ZNF618: variants seen among roughly 807,000 people sequenced by gnomAD.
The protein encoded by ZNF618 is neural precursor cell expressed, developmentally down-regulated 10.
Under a neutral mutation model 103.0 loss-of-function variants are expected in ZNF618, and 34 were observed. The observed-to-expected ratio is 0.33, with a 90% CI of 0.25 to 0.44. ZNF618 has a LOEUF of 0.44. Among genes scored for constraint, ZNF618 ranks in the 20% least tolerant of loss-of-function variants. The pLI is 1.00. For synonymous variants in ZNF618, 551 were observed against 542.2 expected (o/e 1.02, Z -0.23); for missense variants, 1,059 against 1,295.4 (o/e 0.82, Z 2.80).
intron 1 of ZNF618, among the ~76,000 whole-genome samples, chr9:113,921,817 G>A (rs1832675372): frequency 6.6e-6 from 1 of 152,124 alleles, no homozygotes; most frequent in African/African-American, 2.4e-5. Context: ...AGCAAAAGAT[G>A]CCTTCTATAA....
At chr9:114,004,009 G>T (rs907839364) in intron 6 of ZNF618, among the ~76,000 whole-genome samples, 2 of 152,060 alleles carry the variant, frequency 1.3e-5, no homozygotes, top group African/African-American at 4.8e-5. Flanking sequence ...GCCAATCCCC[G>T]TTCTATGGGT....
chr9:113,985,145 C>T (rs906246554), intron 2 of ZNF618, among the ~76,000 whole-genome samples: 9 of 152,196 alleles, frequency 5.9e-5, no homozygotes, highest in African/African-American at 1.2e-4. Flanking sequence ...GGGTAGGTAC[C>T]GTGTTTGTCC....
Position 114,032,643 on chromosome 9 carries a change from A to T in ZNF618, c.1085-2A>T. The T allele has an allele frequency of 2.5e-6, 4 of 1,613,928 alleles. No homozygotes were observed. The highest frequency in any genetic ancestry group is 3.4e-6 in the Non-Finnish European group (4 of 1,179,810). ...TCTTTCTCTCTCCTGTCCCCCACCC[A>T]GCAGAAAGCGCTTTCAGTCGGAGAG... On this transcript the variant is annotated splice_acceptor_variant, in intron 11 of 14. Coordinates refer to ENST00000374126, the MANE Select transcript of ZNF618 (RefSeq NM_001318042.2). LOFTEE classifies it high-confidence loss of function.
intron 9 of ZNF618, chr9:114,016,213 C>A (rs1312109206): frequency 1.3e-6 from 2 of 1,585,556 alleles, no homozygotes; most frequent in Non-Finnish European, 1.7e-6. Context: ...GAAGAAGTGA[C>A]CCCTGCTGCT....
chr9:114,028,372 T>G (rs1320928258), intron 10 of ZNF618: 1 of 228,384 alleles, frequency 4.4e-6, no homozygotes, highest in Non-Finnish European at 8.6e-6. Context: ...AAGCCAGCCT[T>G]CCTTTAAAGG....
At chr9:113,910,375 C>G (rs558072218) in intron 1 of ZNF618, among the ~76,000 whole-genome samples, 1 of 152,272 alleles carries the variant, frequency 6.6e-6, no homozygotes, top group Admixed American at 6.5e-5. Context: ...TTATTGATTC[C>G]TGCCGAGTCC....
intron 1 of ZNF618, among the ~76,000 whole-genome samples, chr9:113,966,091 G>T (rs1837382393): frequency 6.6e-6 from 1 of 152,124 alleles, no homozygotes. Flanking sequence ...ATAAATAGTG[G>T]CCTCTATAAC....
intron 2 of ZNF618, among the ~76,000 whole-genome samples, chr9:113,984,805 T>G (rs537012552): frequency 6.6e-6 from 1 of 152,330 alleles, no homozygotes; most frequent in South Asian, 2.1e-4. Context: ...GCTGCTTTCT[T>G]TACCCCCCGG....
At chr9:113,958,055 G>T (rs1836484463) in intron 1 of ZNF618, among the ~76,000 whole-genome samples, 1 of 151,934 alleles carries the variant, frequency 6.6e-6, no homozygotes, top group African/African-American at 2.4e-5. Flanking sequence ...GATTAACTGT[G>T]ACTGGAAAGA....
chr9:114,033,679 G>A (rs533976913), intron 12 of ZNF618, among the ~76,000 whole-genome samples: 41 of 152,318 alleles, frequency 2.7e-4, no homozygotes, highest in African/African-American at 8.4e-4. Flanking sequence ...GCCTCTGTCC[G>A]AGCAGGGCAC....
At chr9:114,002,909 G>A (rs1387151498) in intron 6 of ZNF618, among the ~76,000 whole-genome samples, 2 of 152,244 alleles carry the variant, frequency 1.3e-5, no homozygotes, top group Non-Finnish European at 2.9e-5. Flanking sequence ...TGTCCATGAC[G>A]ACTTCTCTGG....
At chr9:113,894,022 AAG>A (rs1465436710) in intron 1 of ZNF618, among the ~76,000 whole-genome samples, 11 of 152,344 alleles carry the variant, frequency 7.2e-5, no homozygotes, top group African/African-American at 2.6e-4. Flanking sequence ...TATGCAAAAA[AAG>A]AGTCATAATA....
At chr9:113,945,517 T>A (rs1834938770) in intron 1 of ZNF618, among the ~76,000 whole-genome samples, 1 of 152,238 alleles carries the variant, frequency 6.6e-6, no homozygotes, top group South Asian at 2.1e-4. Context: ...GCCTGTATAG[T>A]GGCTGCAGAA....
intron 1 of ZNF618, among the ~76,000 whole-genome samples, chr9:113,927,368 T>G (rs1291304686): frequency 6.6e-6 from 1 of 152,214 alleles, no homozygotes; most frequent in African/African-American, 2.4e-5. Context: ...TCACCTGTTG[T>G]CTTTGGGTTT....
rs188011233 is a variant in ZNF618, at chr9:113,980,440, T to C, written c.78-7881T>C. Among the ~76,000 whole-genome samples, 240 of 152,142 alleles carry C rather than the reference T, an allele frequency of 1.6e-3. 1 individual carries two copies. Among genetic ancestry groups the C allele is most frequent in the African/African-American group, 5.3e-3 (218 of 41,488 alleles). On this transcript the variant is annotated intron_variant, in intron 2 of 14. Coordinates refer to ENST00000374126, the MANE Select transcript of ZNF618 (RefSeq NM_001318042.2). ...GATTCAACACCATGTAGTTAATATT[T>C]AGAACTAAAGAGTCTAGCTGTATAG...
chr9:113,951,490 T>C (rs1835686652), intron 1 of ZNF618, among the ~76,000 whole-genome samples: 1 of 103,068 alleles, frequency 9.7e-6, no homozygotes, highest in Non-Finnish European at 2.0e-5. Flanking sequence ...CACATATATG[T>C]GTGTATGTGT....
intron 9 of ZNF618, chr9:114,016,022 G>A: frequency 2.4e-6 from 3 of 1,259,498 alleles, no homozygotes; most frequent in Admixed American, 1.8e-5. Flanking sequence ...GGTAGATGCT[G>A]CTCTTTGTTT....
intron 12 of ZNF618, among the ~76,000 whole-genome samples, chr9:114,033,574 C>T (rs73658319): frequency 0.097 from 14,694 of 152,048 alleles, 2,330 homozygotes; most frequent in African/African-American, 0.33. Context: ...CTTCCAGGAC[C>T]GCGGCAGAGC....
intron 13 of ZNF618, among the ~76,000 whole-genome samples, chr9:114,037,714 C>G (rs1245468286): frequency 1.3e-5 from 2 of 152,226 alleles, no homozygotes; most frequent in African/African-American, 4.8e-5. Flanking sequence ...CTCTTTTAGG[C>G]TAAGTACTGT....
Sources: allele counts gnomAD v4.1 joint callset (sites outside exome capture counted in the v4.1 genomes callset), GRCh38; gene constraint gnomAD v4.1.1; transcripts MANE v1.5; gene names NCBI Gene and HGNC (gene_info 2026-07-23, HGNC 2026-07-21).